LARP4B: variants seen among roughly 807,000 people sequenced by gnomAD.
LARP4B encodes la-related protein 4B.
LARP4B carries 12 observed loss-of-function variants against 89.8 expected under a neutral mutation model. That is an observed-to-expected ratio of 0.13 (90% CI 0.09 to 0.22). The LOEUF (loss-of-function observed/expected upper bound fraction) is 0.22, where lower values mean the gene tolerates loss of function less well. LARP4B is among the 10% of genes least tolerant of loss of function. The pLI, the probability that LARP4B is intolerant of heterozygous loss-of-function variation, is 1.00. For synonymous variants in LARP4B, 367 were observed against 363.3 expected (o/e 1.01, Z -0.12); for missense variants, 757 against 947.7 (o/e 0.80, Z 2.64).
At position 811,015 on chromosome 10, in the gene LARP4B, C is replaced by T. The variant is rs1294254604; in HGVS notation, c.*1911G>A. ...TAGTCACCTTCACTTACGATCCTGC[C>T]AGTTTTTGCTCTCTATATACTTTAA... is the stretch of plus-strand genomic sequence containing the variant. On this transcript the variant is annotated 3_prime_UTR_variant, in exon 18 of 18. Transcript: ENST00000316157. 6.6e-6 allele frequency: 1 copy of T among 152,168 alleles called. No individual in the cohort carries two copies. The highest frequency in any genetic ancestry group is 2.4e-5 in the African/African-American group (1 of 41,418). The allele number at this position is 152,168 out of a possible 1,614,324, so 9.4% of individuals were successfully genotyped here.
intron 13 of LARP4B, 86 bp from the exon 14 acceptor site, chr10:820,931 G>T: frequency 8.9e-7 from 1 of 1,127,002 alleles, no homozygotes; most frequent in Non-Finnish European, 1.3e-6. Context: ...CATAATCAAA[G>T]TACACATCAA....
intron 1 of LARP4B, among the ~76,000 whole-genome samples, chr10:889,195 ATAT>A (rs1178332691): frequency 6.6e-6 from 1 of 152,242 alleles, no homozygotes; most frequent in African/African-American, 2.4e-5. Flanking sequence ...TTGTGCATTT[ATAT>A]TATTATAGTA....
At chr10:902,445 A>G (rs910923783) in intron 1 of LARP4B, among the ~76,000 whole-genome samples, 13 of 152,146 alleles carry the variant, frequency 8.5e-5, no homozygotes, top group African/African-American at 3.1e-4. Flanking sequence ...TCACAAAGGG[A>G]AAAGCAAATG....
At chr10:829,058 TTCC>T (rs1588870904) in intron 11 of LARP4B, among the ~76,000 whole-genome samples, 4 of 152,340 alleles carry the variant, frequency 2.6e-5, no homozygotes, top group Admixed American at 6.5e-5. Flanking sequence ...TAAACACCTC[TTCC>T]TCCTCAGTTA....
At chr10:849,990 C>G (rs1833961377) in intron 5 of LARP4B, among the ~76,000 whole-genome samples, 1 of 152,182 alleles carries the variant, frequency 6.6e-6, no homozygotes, top group African/African-American at 2.4e-5. Context: ...TAATGTGGTT[C>G]TCAGCTGAGA....
intron 1 of LARP4B, among the ~76,000 whole-genome samples, chr10:902,565 C>T (rs1836372267): frequency 6.6e-6 from 1 of 152,128 alleles, no homozygotes; most frequent in Admixed American, 6.5e-5. Flanking sequence ...AAACCAAAAT[C>T]TGCAGTCTAA....
intron 5 of LARP4B, among the ~76,000 whole-genome samples, chr10:858,261 GT>G (rs996946671): frequency 3.3e-5 from 5 of 151,854 alleles, no homozygotes; most frequent in South Asian, 2.1e-4. Context: ...ATGGCCAATT[GT>G]TTTTTTTAAC....
At chr10:879,514 T>C (rs1835586689) in intron 3 of LARP4B, among the ~76,000 whole-genome samples, 2 of 152,330 alleles carry the variant, frequency 1.3e-5, no homozygotes, top group South Asian at 4.1e-4. Context: ...TTTATTTTTT[T>C]AGAGACAGGG....
the LARP4B span, among the ~76,000 whole-genome samples, chr10:955,766 C>G: frequency 2.0e-5 from 3 of 152,076 alleles, no homozygotes; most frequent in Non-Finnish European, 2.9e-5. The surrounding 1 kb of genome is among the most constrained non-coding windows in gnomAD (Gnocchi z 5.2). Flanking sequence ...CTGCCCTATT[C>G]ACTGGAATAA....
intron 1 of LARP4B, among the ~76,000 whole-genome samples, chr10:914,417 T>C (rs1417980206): frequency 1.3e-5 from 2 of 149,916 alleles, no homozygotes; most frequent in African/African-American, 2.5e-5. Context: ...AAAATGCCAA[T>C]ATAAAAAAGA....
At chr10:867,411 C>T (rs948293140) in intron 3 of LARP4B, among the ~76,000 whole-genome samples, 2 of 152,116 alleles carry the variant, frequency 1.3e-5, no homozygotes, top group African/African-American at 4.8e-5. Context: ...AGATTCTAAG[C>T]AATTGCGTTC....
chr10:863,916 G>C, intron 4 of LARP4B, 33 bp from the exon 5 acceptor site: 1 of 1,594,886 alleles, frequency 6.3e-7, no homozygotes, highest in Non-Finnish European at 8.5e-7. Flanking sequence ...AAAAGGCAGG[G>C]TTAGAAGCAT....
intron 7 of LARP4B, among the ~76,000 whole-genome samples, chr10:838,034 C>T (rs150588424): frequency 8.7e-4 from 132 of 152,192 alleles, no homozygotes; most frequent in African/African-American, 2.9e-3. Context: ...ACAATGTGAC[C>T]GTGGAGCAAA....
At chr10:831,439 A>G (rs1164217184) in intron 8 of LARP4B, among the ~76,000 whole-genome samples, 1 of 152,234 alleles carries the variant, frequency 6.6e-6, no homozygotes, top group Non-Finnish European at 1.5e-5. Flanking sequence ...CCCAGCGTGA[A>G]CACGAGTGTG....
At chr10:928,399 G>A (rs1837211606) in intron 1 of LARP4B, among the ~76,000 whole-genome samples, 3 of 152,070 alleles carry the variant, frequency 2.0e-5, no homozygotes, top group Non-Finnish European at 2.9e-5. Context: ...CTATTTTGAC[G>A]GAAAATATGA....
upstream of LARP4B, among the ~76,000 whole-genome samples, chr10:932,041 G>A (rs1423190230): frequency 6.7e-6 from 1 of 150,102 alleles, no homozygotes; most frequent in African/African-American, 2.4e-5. Flanking sequence ...GGGGGGCCGT[G>A]TGGGCCCTGA....
At chr10:937,882 TTTTA>T in the LARP4B span, among the ~76,000 whole-genome samples, 1 of 151,998 alleles carries the variant, frequency 6.6e-6, no homozygotes, top group South Asian at 2.1e-4. Flanking sequence ...TTTTATTTAT[TTTTA>T]TTTATTTATT....
intron 1 of LARP4B, among the ~76,000 whole-genome samples, chr10:894,220 A>G (rs914230836): frequency 6.6e-6 from 1 of 152,208 alleles, no homozygotes. Context: ...TGACATGATC[A>G]AAGACTACCA....
chr10:874,792 G>A (rs1835392470), intron 3 of LARP4B, among the ~76,000 whole-genome samples: 1 of 151,950 alleles, frequency 6.6e-6, no homozygotes, highest in African/African-American at 2.4e-5. Context: ...TAAACATAAA[G>A]GTAACAAGAA....
Sources: allele counts gnomAD v4.1 joint callset (sites outside exome capture counted in the v4.1 genomes callset), GRCh38; gene constraint gnomAD v4.1.1; non-coding constraint Gnocchi (gnomAD v3.1); transcripts MANE v1.5; gene names NCBI Gene and HGNC (gene_info 2026-07-23, HGNC 2026-07-21).